Variants in MYOM1 observed in about 807,000 individuals in gnomAD.
The protein encoded by MYOM1 is myomesin-1.
A neutral mutation model predicts 205.3 loss-of-function variants in MYOM1; 164 were observed. That is an observed-to-expected ratio of 0.80 (90% CI 0.70 to 0.91). MYOM1 has a LOEUF of 0.91. MYOM1 is among the 40% of genes least tolerant of loss of function. The pLI is 0.00. For synonymous variants in MYOM1, 772 were observed against 789.4 expected, an observed-to-expected ratio of 0.98 and a Z score of 0.37; for missense variants, 2,011 against 2,127.3, an observed-to-expected ratio of 0.95 and a Z score of 1.08.
chr18:3,125,417 A>G (rs188032898), intron 19 of MYOM1, among the ~76,000 whole-genome samples: 171 of 152,346 alleles, frequency 1.1e-3, no homozygotes, highest in African/African-American at 3.7e-3. Flanking sequence ...GCAATGAAAA[A>G]GAATGAGTTA....
the MYOM1 span, among the ~76,000 whole-genome samples, chr18:3,225,255 G>A: frequency 5.9e-5 from 9 of 152,080 alleles, no homozygotes; most frequent in Non-Finnish European, 1.0e-4. Flanking sequence ...CCAAAGTGCC[G>A]GGATTACAGG....
At chr18:3,083,380 A>G (rs2079107260) in intron 33 of MYOM1, among the ~76,000 whole-genome samples, 2 of 151,564 alleles carry the variant, frequency 1.3e-5, no homozygotes, top group South Asian at 4.2e-4. Flanking sequence ...TCCAGTGGGG[A>G]AAGAATTTCT....
chr18:3,096,769 A>G (rs1381358252), intron 25 of MYOM1, among the ~76,000 whole-genome samples: 2 of 152,196 alleles, frequency 1.3e-5, no homozygotes, highest in South Asian at 2.1e-4. Context: ...GCTATTATGC[A>G]GCATGCTGAT....
intron 2 of MYOM1, among the ~76,000 whole-genome samples, chr18:3,207,631 G>A (rs193206847): frequency 6.6e-6 from 1 of 152,202 alleles, no homozygotes; most frequent in Non-Finnish European, 1.5e-5. Context: ...GGCACCCTTG[G>A]GCTTCCAGAG....
rs145406106 is a variant in MYOM1, at chr18:3,139,170, G to A, written c.2025+2769C>T. ...GAAAACAAAGATATTTACCTCATAG[G>A]ACTACTCTAAGAATTAAGTGGGTTA... On this transcript the variant is annotated intron_variant, in intron 14 of 37. Coordinates refer to ENST00000356443, the MANE Select transcript of MYOM1 (RefSeq NM_003803.4). Among the ~76,000 whole-genome samples, 27 of 152,244 alleles carry A rather than the reference G, an allele frequency of 1.8e-4. No homozygotes were observed. The East Asian group carries it at 5.0e-3, about 28-fold the overall frequency.
At chr18:3,167,988 T>C (rs2080497612) in intron 9 of MYOM1, among the ~76,000 whole-genome samples, 1 of 152,230 alleles carries the variant, frequency 6.6e-6, no homozygotes, top group African/African-American at 2.4e-5. Flanking sequence ...TGTTATAATA[T>C]GATGTAAAAC....
At chr18:3,114,409 G>C (rs141668474) in intron 21 of MYOM1, among the ~76,000 whole-genome samples, 1 of 147,102 alleles carries the variant, frequency 6.8e-6, no homozygotes, top group African/African-American at 2.5e-5. Flanking sequence ...ACAGAGTCTC[G>C]TTCTGTTGCC....
chr18:3,127,301 A>T (rs1263835229), intron 18 of MYOM1, among the ~76,000 whole-genome samples: 129 of 47,882 alleles, frequency 2.7e-3, no homozygotes, highest in African/African-American at 0.013. Flanking sequence ...ATATATATAT[A>T]TATATTTTTT....
chr18:3,111,860 G>T (rs1257754851), intron 22 of MYOM1, among the ~76,000 whole-genome samples: 1 of 152,152 alleles, frequency 6.6e-6, no homozygotes, highest in African/African-American at 2.4e-5. Flanking sequence ...CTGACCTCTG[G>T]TTTAAACATA....
In MYOM1 at chr18:3,070,915, C is replaced by T. The variant is rs2078952499; in HGVS notation, c.4764+919G>A. The stretch of plus-strand genomic sequence containing the variant: ...CTGGGACTACAGGTGTGCACCACTA[C>T]ATTTGGCTAAATTTTGTATTTTTTG... On this transcript the variant is annotated intron_variant, in intron 37 of 37. Transcript: ENST00000356443. Among the ~76,000 whole-genome samples, 5 of 152,136 alleles carry T rather than the reference C, an allele frequency of 3.3e-5. No homozygotes were observed. The South Asian group carries it at 1.0e-3, about 32-fold the overall frequency.
At chr18:3,154,191 G>A (rs1042143906) in intron 11 of MYOM1, among the ~76,000 whole-genome samples, 4 of 151,980 alleles carry the variant, frequency 2.6e-5, no homozygotes, top group Non-Finnish European at 4.4e-5. Flanking sequence ...CATTTCCAAG[G>A]TGGCCTCTAT....
intron 25 of MYOM1, among the ~76,000 whole-genome samples, chr18:3,097,214 G>C (rs1437883696): frequency 6.6e-6 from 1 of 152,070 alleles, no homozygotes; most frequent in Non-Finnish European, 1.5e-5. Flanking sequence ...ACAGGAAGTG[G>C]GTATGAATCA....
chr18:3,067,421 G>T lies in MYOM1; in HGVS notation c.4899C>A (p.Ile1633=). ...FEAGRTAYFT[I]NGVSTADSGK... is the part of the protein sequence containing the mutation. ...CCGAGTCAGCGGTGCTCACGCCGTT[G>T]ATGGTGAAGTACGCGGTCCTCCCAG... Residue 1633 remains isoleucine (I), a synonymous_variant, in exon 38 of 38, where the codon ATC becomes ATA. Coordinates refer to ENST00000356443, the MANE Select transcript of MYOM1 (RefSeq NM_003803.4). The T allele has an allele frequency of 6.2e-7, 1 of 1,613,660 alleles. No homozygotes were observed. Among genetic ancestry groups the T allele is most frequent in the South Asian group, 1.1e-5 (1 of 91,066 alleles).
rs140355834 is a variant in MYOM1 at position 3,210,240 on chromosome 18, G to A, written c.290+4694C>T. On this transcript the variant is annotated intron_variant, in intron 2 of 37. Coordinates refer to ENST00000356443, the MANE Select transcript of MYOM1 (RefSeq NM_003803.4). ...GATGGAACAAGCTTTCAAGTTCTCT[G>A]CACTCTCTGCTGTGTTTGGTCGTCT... is the stretch of plus-strand genomic sequence containing the variant. Among the ~76,000 whole-genome samples the A allele has an allele frequency of 6.9e-3, 1,057 of 152,324 alleles. 6 individuals carry two copies. The highest frequency in any genetic ancestry group is 0.01 in the Non-Finnish European group (714 of 68,024).
chr18:3,148,357 A>C (rs554105588), intron 13 of MYOM1, among the ~76,000 whole-genome samples: 114 of 152,360 alleles, frequency 7.5e-4, no homozygotes, highest in Admixed American at 1.2e-3. Flanking sequence ...AACGTAGATA[A>C]GTCTCAAAAT....
intron 5 of MYOM1, among the ~76,000 whole-genome samples, chr18:3,180,792 T>C (rs749349783): frequency 2.6e-5 from 4 of 152,132 alleles, no homozygotes; most frequent in Non-Finnish European, 4.4e-5. Flanking sequence ...CCCAGACAAA[T>C]GTCAGTTTGG....
intron 9 of MYOM1, among the ~76,000 whole-genome samples, chr18:3,166,263 C>CTT (rs765532198): frequency 0.011 from 1,252 of 111,572 alleles, 36 homozygotes; most frequent in African/African-American, 0.024. Context: ...TATCTCAAGT[C>CTT]TTTTTTTTTT....
chr18:3,174,027 G>C (rs1203964609), intron 7 of MYOM1, 27 bp from the exon 8 acceptor site: 1 of 1,609,990 alleles, frequency 6.2e-7, no homozygotes, highest in Non-Finnish European at 8.5e-7. Flanking sequence ...AAACGCATGT[G>C]AACTGCTTTG....
intron 9 of MYOM1, among the ~76,000 whole-genome samples, chr18:3,166,284 T>TA (rs1555625818): frequency 6.7e-6 from 1 of 149,346 alleles, no homozygotes; most frequent in Non-Finnish European, 1.5e-5. Context: ...TTTTTTTTTT[T>TA]ATTTGAGGCG....
Sources: allele counts gnomAD v4.1 joint callset (sites outside exome capture counted in the v4.1 genomes callset), GRCh38; gene constraint gnomAD v4.1.1; transcripts MANE v1.5; gene names NCBI Gene and HGNC (gene_info 2026-07-23, HGNC 2026-07-21).